The following SLC35F3 variants were observed in gnomAD, a reference collection of about 807,000 sequenced individuals.
SLC35F3 encodes the protein solute carrier family 35 member F3.
SLC35F3 carries 25 observed loss-of-function variants against 49.9 expected under a neutral mutation model. That is an observed-to-expected ratio of 0.50 (90% CI 0.37 to 0.70). The LOEUF (loss-of-function observed/expected upper bound fraction) is 0.70, where lower values mean the gene tolerates loss of function less well. SLC35F3 is among the 30% of genes least tolerant of loss of function. The pLI, the probability that SLC35F3 is intolerant of heterozygous loss-of-function variation, is 0.00. For missense variants in SLC35F3, 525 were observed against 639.8 expected, an observed-to-expected ratio of 0.82 and a Z score of 1.94; for synonymous variants, 275 against 265.4, an observed-to-expected ratio of 1.04 and a Z score of -0.35.
chr1:234,023,750 C>G (rs1378316625), intron 2 of SLC35F3, among the ~76,000 whole-genome samples: 1 of 151,570 alleles, frequency 6.6e-6, no homozygotes, highest in African/African-American at 2.4e-5. Flanking sequence ...ACCCTTGACA[C>G]GATGTGATGA....
chr1:233,912,506 C>CA lies in SLC35F3; in HGVS notation c.283+6756dup, dbSNP rs1402628627. 2.2e-4 allele frequency among the ~76,000 whole-genome samples: 27 copies of CA among 120,498 alleles called. 1 individual carries two copies. Among genetic ancestry groups the CA allele is most frequent in the South Asian group, 1.2e-3 (4 of 3,388 alleles). 79.1% of individuals were successfully genotyped at this position (120,498 alleles called of 152,430 possible). A position where few individuals can be genotyped will look rare whatever the true frequency, so the allele number is the denominator to read the frequency against. On this transcript the variant is annotated intron_variant, in intron 2 of 7. Transcript: ENST00000366618. Reference sequence around the variant, plus strand: ...ACAAACAAACAAAGAAACAAACAAACAAAAAAAACGAAAAGGAGATAATAG... The same window carrying CA: ...ACAAACAAACAAAGAAACAAACAAACAAAAAAAAACGAAAAGGAGATAATAG...
chr1:234,191,852 T>C (rs774587345), intron 2 of SLC35F3, among the ~76,000 whole-genome samples: 3 of 151,974 alleles, frequency 2.0e-5, no homozygotes, highest in Admixed American at 6.6e-5. Flanking sequence ...CTAGAAAACC[T>C]AGAGGAGATG....
intron 2 of SLC35F3, among the ~76,000 whole-genome samples, chr1:234,176,000 A>G (rs1209159582): frequency 6.6e-6 from 1 of 152,186 alleles, no homozygotes; most frequent in Non-Finnish European, 1.5e-5. Flanking sequence ...CCCTTCAAAG[A>G]TTCCACCTGC....
intron 2 of SLC35F3, among the ~76,000 whole-genome samples, chr1:234,064,424 C>A (rs893563583): frequency 6.6e-6 from 1 of 151,792 alleles, no homozygotes; most frequent in African/African-American, 2.4e-5. Context: ...CCTCTAAAAC[C>A]TTTTACCATT....
intron 2 of SLC35F3, among the ~76,000 whole-genome samples, chr1:234,159,936 C>T (rs141658616): frequency 9.8e-4 from 149 of 152,266 alleles, no homozygotes; most frequent in African/African-American, 2.8e-3. Context: ...GTATATGTTG[C>T]AGGAATCACT....
chr1:234,125,828 T>G (rs924195550), intron 2 of SLC35F3, among the ~76,000 whole-genome samples: 1 of 152,170 alleles, frequency 6.6e-6, no homozygotes, highest in East Asian at 1.9e-4. Context: ...TGCCTCTCCA[T>G]TTTCATCTTG....
intron 2 of SLC35F3, among the ~76,000 whole-genome samples, chr1:234,109,533 G>C (rs961977870): frequency 6.6e-6 from 1 of 152,076 alleles, no homozygotes; most frequent in African/African-American, 2.4e-5. Context: ...TTCTCTGTGC[G>C]GTTGACTTCC....
At chr1:233,933,505 TG>T (rs762579278) in intron 2 of SLC35F3, among the ~76,000 whole-genome samples, 9 of 152,118 alleles carry the variant, frequency 5.9e-5, no homozygotes, top group Non-Finnish European at 1.0e-4. Context: ...TTTATTTTTG[TG>T]TAGAGAACTC....
intron 2 of SLC35F3, among the ~76,000 whole-genome samples, chr1:234,111,105 A>C (rs1665399002): frequency 1.3e-5 from 2 of 152,160 alleles, no homozygotes; most frequent in African/African-American, 4.8e-5. Flanking sequence ...TTTGTTTTAT[A>C]ATCAGAGGAA....
At chr1:234,157,463 G>A (rs1370910710) in intron 2 of SLC35F3, among the ~76,000 whole-genome samples, 3 of 151,928 alleles carry the variant, frequency 2.0e-5, no homozygotes, top group Non-Finnish European at 4.4e-5. Context: ...CTACTTTGGT[G>A]TATATTTAAC....
At chr1:234,293,450 C>T (rs866878273) in intron 3 of SLC35F3, among the ~76,000 whole-genome samples, 1 of 152,236 alleles carries the variant, frequency 6.6e-6, no homozygotes, top group Non-Finnish European at 1.5e-5. Context: ...CCTTGAATCT[C>T]TGTGTCGTCT....
chr1:234,036,516 A>C (rs7514335), intron 2 of SLC35F3, among the ~76,000 whole-genome samples: 1 of 152,230 alleles, frequency 6.6e-6, no homozygotes, highest in Admixed American at 6.5e-5. Context: ...GAGGAGAGCT[A>C]TAGTATCAGC....
At chr1:234,126,881 G>A (rs903555633) in intron 2 of SLC35F3, among the ~76,000 whole-genome samples, 1 of 152,086 alleles carries the variant, frequency 6.6e-6, no homozygotes, top group Non-Finnish European at 1.5e-5. Flanking sequence ...TTTTTGTGTA[G>A]AGATGGGGTC....
intron 2 of SLC35F3, among the ~76,000 whole-genome samples, chr1:234,112,027 T>G (rs1160714623): frequency 1.3e-5 from 2 of 152,120 alleles, no homozygotes; most frequent in East Asian, 3.9e-4. Context: ...TTCTCATCCT[T>G]GCCATGGCTG....
At chr1:234,182,439 C>A (rs1052846809) in intron 2 of SLC35F3, among the ~76,000 whole-genome samples, 7 of 152,218 alleles carry the variant, frequency 4.6e-5, no homozygotes, top group African/African-American at 1.7e-4. Flanking sequence ...CTGATCTGGG[C>A]TCTAGGAGTG....
chr1:234,177,992 C>T (rs528117949), intron 2 of SLC35F3, among the ~76,000 whole-genome samples: 5 of 152,252 alleles, frequency 3.3e-5, no homozygotes, highest in East Asian at 1.9e-4. Flanking sequence ...ATCACTTGAG[C>T]GCATGCTTTA....
intron 2 of SLC35F3, among the ~76,000 whole-genome samples, chr1:233,907,854 T>C (rs1236225686): frequency 6.6e-6 from 1 of 152,192 alleles, no homozygotes; most frequent in Non-Finnish European, 1.5e-5. Context: ...GCCTCCTGCG[T>C]AGCTGGGATT....
chr1:234,171,216 C>T (rs1666395823), intron 2 of SLC35F3, among the ~76,000 whole-genome samples: 1 of 152,170 alleles, frequency 6.6e-6, no homozygotes, highest in South Asian at 2.1e-4. Context: ...AGCTAGCTCT[C>T]CAGGGGATTC....
At chr1:234,322,858 TG>T in intron 7 of SLC35F3, 149 bp from the exon 8 acceptor site, 1 of 674,530 alleles carries the variant, frequency 1.5e-6, no homozygotes, top group Non-Finnish European at 2.5e-6. Flanking sequence ...CCAGCCCACC[TG>T]GAACAAAATC....
Sources: gnomAD v4.1 joint callset for allele counts (sites outside exome capture counted in the v4.1 genomes callset) on GRCh38, gnomAD v4.1.1 for gene constraint, MANE v1.5 for transcripts, NCBI Gene and HGNC (gene_info 2026-07-23, HGNC 2026-07-21) for gene names.